TXNDC11: variants seen among roughly 807,000 people sequenced by gnomAD.
TXNDC11 encodes thioredoxin domain containing 11, also known as thioredoxin domain-containing protein 11.
TXNDC11 carries 68 observed loss-of-function variants against 78.0 expected under a neutral mutation model. The ratio of observed to expected loss-of-function variants is 0.87; its 90% CI spans 0.72 to 1.07. The LOEUF (loss-of-function observed/expected upper bound fraction) is 1.07. Ranked by LOEUF, TXNDC11 falls within the 50% of genes least tolerant of loss-of-function variation. The pLI is 0.00. For missense variants in TXNDC11, 1,389 were observed against 1,221.8 expected (o/e 1.14, Z -2.04); for synonymous variants, 571 against 495.2 (o/e 1.15, Z -2.03).
intron 4 of TXNDC11, among the ~76,000 whole-genome samples, chr16:11,726,401 T>C (rs927719097): frequency 1.3e-5 from 2 of 151,854 alleles, no homozygotes; most frequent in East Asian, 2.0e-4. Context: ...GCTAACAAGG[T>C]GAAACTCCAT....
At chr16:11,725,249 C>A (rs2051841809) in intron 4 of TXNDC11, among the ~76,000 whole-genome samples, 2 of 151,792 alleles carry the variant, frequency 1.3e-5, no homozygotes, top group South Asian at 2.1e-4. Context: ...CCCAGTTCTG[C>A]AGAATAAATG....
chr16:11,734,146 G>A, intron 2 of TXNDC11, 67 bp from the exon 3 acceptor site: 1 of 1,068,308 alleles, frequency 9.4e-7, no homozygotes. Flanking sequence ...AGATTTAAAA[G>A]ATGAAATTTA....
rs559056140 is a variant in TXNDC11, at chr16:11,703,059, C to T, written c.794-2495G>A. Among the ~76,000 whole-genome samples the T allele has an allele frequency of 2.0e-4, 31 of 151,986 alleles. No homozygotes were observed. The East Asian group carries it at 5.0e-3, about 25-fold the overall frequency. ...TTTTTGTATCTGACTCCTAGGGCCACAGTGATGTATCACACACCCTTCACA... is the reference window on the plus strand; with the variant it reads ...TTTTTGTATCTGACTCCTAGGGCCATAGTGATGTATCACACACCCTTCACA... On this transcript the variant is annotated intron_variant, in intron 5 of 11. Transcript: ENST00000283033.
rs759080407 is a variant in TXNDC11, at chr16:11,730,633, A to C, written c.699+12T>G. The C allele has an allele frequency of 3.1e-6, 5 of 1,613,274 alleles. No individual in the cohort carries two copies. The highest frequency in any genetic ancestry group is 4.2e-6 in the Non-Finnish European group (5 of 1,179,396). On this transcript the variant is annotated intron_variant, in intron 4 of 11. Coordinates refer to ENST00000283033, the MANE Select transcript of TXNDC11 (RefSeq NM_015914.7). ...CCTTGAGTATGGAGGAGGAGATATG[A>C]AAGACAAGTACCTCGTAGTTTGAGA...
chr16:11,726,531 G>A (rs1467522408), intron 4 of TXNDC11, among the ~76,000 whole-genome samples: 1 of 134,930 alleles, frequency 7.4e-6, no homozygotes, highest in Non-Finnish European at 1.5e-5. Flanking sequence ...AGTGAGCCAA[G>A]ATCACGCCGC....
chr16:11,723,923 G>A (rs2051795096), intron 4 of TXNDC11, among the ~76,000 whole-genome samples: 2 of 152,190 alleles, frequency 1.3e-5, no homozygotes, highest in Admixed American at 1.3e-4. Context: ...TATTTTGCCT[G>A]CAGATAGAAG....
chr16:11,695,590 T>C (rs1213666893), intron 7 of TXNDC11, among the ~76,000 whole-genome samples: 1 of 152,186 alleles, frequency 6.6e-6, no homozygotes, highest in Non-Finnish European at 1.5e-5. Context: ...TGTGTCACAG[T>C]TTCCCCGATC....
chr16:11,698,616 C>T (rs1275454486), intron 6 of TXNDC11, among the ~76,000 whole-genome samples: 1 of 152,256 alleles, frequency 6.6e-6, no homozygotes, highest in Non-Finnish European at 1.5e-5. Flanking sequence ...CAGCTGGTGG[C>T]GATAACAACC....
intron 5 of TXNDC11, among the ~76,000 whole-genome samples, chr16:11,702,885 C>G (rs188016908): frequency 3.9e-5 from 6 of 152,182 alleles, no homozygotes; most frequent in African/African-American, 1.4e-4. Context: ...TGAGTATGTC[C>G]CTACTGCCAG....
At chr16:11,737,851 CAAAAAAAA>C (rs538318388) in intron 1 of TXNDC11, among the ~76,000 whole-genome samples, 5 of 54,182 alleles carry the variant, frequency 9.2e-5, no homozygotes, top group Non-Finnish European at 1.8e-4. Context: ...CTACGTCTCT[CAAAAAAAA>C]AAAAAAAAAA....
At chr16:11,719,594 A>T (rs891997214) in intron 5 of TXNDC11, among the ~76,000 whole-genome samples, 1 of 152,210 alleles carries the variant, frequency 6.6e-6, no homozygotes, top group African/African-American at 2.4e-5. Context: ...GAATAGTTAC[A>T]TATTTTTGGT....
intron 5 of TXNDC11, among the ~76,000 whole-genome samples, chr16:11,717,799 C>G (rs895440233): frequency 1.3e-5 from 2 of 150,804 alleles, no homozygotes; most frequent in East Asian, 3.9e-4. Context: ...CCAGCCTGAA[C>G]GACAGAGAGA....
rs779169709 is a variant in TXNDC11 at position 11,691,681 on chromosome 16, G to A, written c.1509C>T (p.Ser503=). The A allele has an allele frequency of 3.7e-6, 6 of 1,614,214 alleles. No homozygotes were observed. Among genetic ancestry groups the A allele is most frequent in the East Asian group, 4.5e-5 (2 of 44,892 alleles). ...TGGTCCTGCAACATGCAGTGTAGTA[G>A]CTGAAGGGGCTATAGGAAGTTAAAA... The part of the protein sequence containing the change: ...SNFLTSYSPF[S]YYTACCRTIS... Residue 503 remains serine, a synonymous_variant, in exon 8 of 12, where the codon AGC becomes AGT. Transcript: ENST00000283033.
chr16:11,704,391 T>TA (rs780653870), intron 5 of TXNDC11, among the ~76,000 whole-genome samples: 38 of 152,324 alleles, frequency 2.5e-4, no homozygotes, highest in Non-Finnish European at 4.7e-4. Flanking sequence ...TGATGGAGGC[T>TA]AAAATTCATG....
intron 10 of TXNDC11, among the ~76,000 whole-genome samples, chr16:11,686,891 A>AACT (rs1298005072): frequency 6.6e-6 from 1 of 152,138 alleles, no homozygotes; most frequent in Non-Finnish European, 1.5e-5. Flanking sequence ...GAATCTTTCT[A>AACT]TGTCTCAGTT....
At position 11,679,349 on chromosome 16, in the gene TXNDC11, C is replaced by T. The variant is rs758614404; in HGVS notation, c.2723G>A (p.Arg908Lys). 3 of 1,612,284 alleles carry T rather than the reference C, an allele frequency of 1.9e-6. No homozygotes were observed. The highest frequency in any genetic ancestry group is 1.1e-5 in the South Asian group (1 of 91,000). ...VATMERKLEGRDGAESLAAQR... is the reference protein window; with the variant it reads ...VATMERKLEGKDGAESLAAQR... ...GGCCGCCAGGCTTTCAGCTCCATCC[C>T]TGCCCTCCAGTTTCCTCTCCATGGT... Residue 908 changes from arginine to lysine, a missense_variant, in exon 12 of 12, where the codon AGG (arginine) becomes AAG (lysine). By Grantham distance (26) the Arg-to-Lys change is conservative (BLOSUM62 2). Coordinates refer to ENST00000283033, the MANE Select transcript of TXNDC11 (RefSeq NM_015914.7). This position sits in a 1 kb window ranked among gnomAD's most constrained non-coding sequence, Gnocchi z 4.6.
chr16:11,704,409 G>C (rs1204933284), intron 5 of TXNDC11, among the ~76,000 whole-genome samples: 1 of 152,190 alleles, frequency 6.6e-6, no homozygotes, highest in East Asian at 1.9e-4. Context: ...ATGAGCAGAA[G>C]TTTGAGGATA....
intron 5 of TXNDC11, among the ~76,000 whole-genome samples, chr16:11,713,311 T>C (rs1380615212): frequency 6.6e-6 from 1 of 151,210 alleles, no homozygotes; most frequent in Non-Finnish European, 1.5e-5. Context: ...GAAATCATAA[T>C]GGAAATAAAA....
At chr16:11,701,128 C>CTTTTT (rs397855467) in intron 5 of TXNDC11, among the ~76,000 whole-genome samples, 1 of 101,666 alleles carries the variant, frequency 9.8e-6, no homozygotes, top group Non-Finnish European at 2.0e-5. Flanking sequence ...CCAATGTCCT[C>CTTTTT]TTTTTTTTTT....
Sources: allele counts gnomAD v4.1 joint callset (sites outside exome capture counted in the v4.1 genomes callset), GRCh38; gene constraint gnomAD v4.1.1; non-coding constraint Gnocchi (gnomAD v3.1); transcripts MANE v1.5; gene names NCBI Gene and HGNC (gene_info 2026-07-23, HGNC 2026-07-21).